Variants in ANKRD44 observed in about 807,000 individuals in gnomAD.
ANKRD44 encodes the protein ankyrin repeat domain 44.
In ANKRD44, 35 loss-of-function variants were observed where a neutral mutation model predicts 116.0. That is an observed-to-expected ratio of 0.30 (90% CI 0.23 to 0.40). The LOEUF is 0.40. ANKRD44 is among the 10% of genes least tolerant of loss of function. ANKRD44 has a pLI of 1.00. For missense variants in ANKRD44, 1,014 were observed against 1,242.6 expected (o/e 0.82, Z 2.77); for synonymous variants, 435 against 461.8 (o/e 0.94, Z 0.74).
Position 197,146,962 on chromosome 2 carries a change from A to G in ANKRD44, c.190+65T>C, listed in dbSNP as rs971668129. 16 of 1,445,938 alleles carry G rather than the reference A, an allele frequency of 1.1e-5. No individual in the cohort carries two copies. In the Admixed American group the frequency reaches 1.6e-4, roughly 14 times the overall value. The allele number at this position is 1,445,938 out of a possible 1,614,324, so 89.6% of individuals were successfully genotyped here. A position where few individuals can be genotyped will look rare whatever the true frequency, so the allele number is the denominator to read the frequency against. ...TTTGCTTGGGTTCACTGTAGTAGTC[A>G]ATCTAGTAAATTGGTTATTTAAATT... is the stretch of plus-strand genomic sequence containing the variant. On this transcript the variant is annotated intron_variant, in intron 3 of 27. Transcript: ENST00000282272.
At chr2:197,024,402 C>T (rs2076551715) in intron 17 of ANKRD44, among the ~76,000 whole-genome samples, 1 of 152,186 alleles carries the variant, frequency 6.6e-6, no homozygotes, top group South Asian at 2.1e-4. Flanking sequence ...ACGTGAGTGC[C>T]TCGGGAAGGT....
intron 15 of ANKRD44, among the ~76,000 whole-genome samples, chr2:197,080,561 T>C (rs2077769888): frequency 6.6e-6 from 1 of 152,254 alleles, no homozygotes; most frequent in African/African-American, 2.4e-5. Context: ...CTGCAGTGGC[T>C]TAAGATGCTA....
At chr2:197,017,795 T>C (rs978165978) in intron 17 of ANKRD44, among the ~76,000 whole-genome samples, 8 of 152,222 alleles carry the variant, frequency 5.3e-5, no homozygotes, top group African/African-American at 1.9e-4. Context: ...AACCTTACAG[T>C]TGTCTTTGTC....
rs753669485 is a variant in ANKRD44, at chr2:197,078,814, T to G, written c.1539A>C (p.Leu513=). The stretch of plus-strand genomic sequence containing the variant: ...CATTTTGAAGCAGAAACTCTAGACA[T>G]CTGTAAGTATAAAGATGAAGTGTTA... ...ARELKEKEAT[L]CLEFLLQNDA... Residue 513 remains leucine (L), a splice_region_variant and synonymous_variant, in exon 16 of 28, where the codon CTA becomes CTC. Coordinates refer to ENST00000282272, the MANE Select transcript of ANKRD44 (RefSeq NM_001195144.2). 6.2e-7 allele frequency: 1 copy of G among 1,612,532 alleles called. No individual in the cohort carries two copies. The highest frequency in any genetic ancestry group is 8.5e-7 in the Non-Finnish European group (1 of 1,178,978).
chr2:197,139,196 A>AACTCTCAC (rs1175082434), intron 3 of ANKRD44, among the ~76,000 whole-genome samples: 1 of 152,170 alleles, frequency 6.6e-6, no homozygotes, highest in Non-Finnish European at 1.5e-5. Context: ...ACCCTAGAGA[A>AACTCTCAC]ACTCTCACAC....
intron 1 of ANKRD44, among the ~76,000 whole-genome samples, chr2:197,287,243 C>T (rs2083432931): frequency 6.6e-6 from 1 of 151,886 alleles, no homozygotes; most frequent in African/African-American, 2.4e-5. Context: ...CATAAAATTG[C>T]CCTAAAAATT....
At chr2:197,307,483 A>G (rs2084106104) in intron 1 of ANKRD44, among the ~76,000 whole-genome samples, 1 of 152,028 alleles carries the variant, frequency 6.6e-6, no homozygotes, top group Non-Finnish European at 1.5e-5. Flanking sequence ...CAAAAGTTAC[A>G]AATGCAGAAG....
chr2:197,218,802 C>G (rs2081514826), intron 1 of ANKRD44, among the ~76,000 whole-genome samples: 1 of 115,990 alleles, frequency 8.6e-6, no homozygotes, highest in South Asian at 3.0e-4. Context: ...CTCTGTCACC[C>G]AGGCTGGAGT....
intron 21 of ANKRD44, among the ~76,000 whole-genome samples, chr2:196,969,024 T>C (rs1479756832): frequency 6.6e-6 from 1 of 152,168 alleles, no homozygotes. Context: ...TATACATATG[T>C]GCCACTCATA....
At chr2:197,084,707 A>C (rs2125152048) in intron 13 of ANKRD44, among the ~76,000 whole-genome samples, 1 of 152,326 alleles carries the variant, frequency 6.6e-6, no homozygotes, top group Non-Finnish European at 1.5e-5. Context: ...GTATATGTGT[A>C]AATCATTTAG....
intron 16 of ANKRD44, among the ~76,000 whole-genome samples, chr2:197,036,448 G>C (rs1048179174): frequency 2.6e-5 from 4 of 152,018 alleles, no homozygotes; most frequent in Non-Finnish European, 5.9e-5. Context: ...TAGTAGAGAT[G>C]GGATTTTACC....
chr2:197,222,230 G>C (rs866133803), intron 1 of ANKRD44, among the ~76,000 whole-genome samples: 1 of 152,126 alleles, frequency 6.6e-6, no homozygotes, highest in Non-Finnish European at 1.5e-5. Flanking sequence ...ATCCCCCATG[G>C]TACCTGCTGG....
chr2:197,234,104 C>A (rs2081926582), intron 1 of ANKRD44, among the ~76,000 whole-genome samples: 1 of 152,180 alleles, frequency 6.6e-6, no homozygotes, highest in South Asian at 2.1e-4. Flanking sequence ...CATAGCCCCA[C>A]CCATCTTTCC....
intron 1 of ANKRD44, among the ~76,000 whole-genome samples, chr2:197,286,341 A>T (rs1478266110): frequency 6.6e-6 from 1 of 151,966 alleles, no homozygotes; most frequent in Non-Finnish European, 1.5e-5. Flanking sequence ...ATCTAAGGAC[A>T]GAAAGAATTT....
chr2:197,269,051 C>T (rs2082817910), intron 1 of ANKRD44, among the ~76,000 whole-genome samples: 1 of 149,234 alleles, frequency 6.7e-6, no homozygotes, highest in Admixed American at 6.7e-5. Flanking sequence ...CCATGAAAAG[C>T]CATTAAGCTT....
At chr2:197,202,410 A>C (rs968441352) in intron 1 of ANKRD44, among the ~76,000 whole-genome samples, 8 of 151,852 alleles carry the variant, frequency 5.3e-5, no homozygotes, top group Admixed American at 2.0e-4. Flanking sequence ...GATGGAAAAA[A>C]AAAAAACCCA....
chr2:197,078,947 A>C, intron 15 of ANKRD44, 133 bp from the exon 16 acceptor site: 1 of 737,668 alleles, frequency 1.4e-6, no homozygotes, highest in South Asian at 1.8e-5. Context: ...TCCTACAGCA[A>C]TGAAGTTTTA....
chr2:197,117,868 T>C (rs1480451954), intron 8 of ANKRD44, among the ~76,000 whole-genome samples: 2 of 152,222 alleles, frequency 1.3e-5, no homozygotes, highest in Non-Finnish European at 2.9e-5. Context: ...ATACCTGGGT[T>C]TTCTTTTTTT....
chr2:197,278,789 T>C (rs1246764820), intron 1 of ANKRD44, among the ~76,000 whole-genome samples: 1 of 152,206 alleles, frequency 6.6e-6, no homozygotes, highest in East Asian at 1.9e-4. Flanking sequence ...TTGCGACACG[T>C]AGGTCGCCAG....
Sources: gnomAD v4.1 joint callset for allele counts (sites outside exome capture counted in the v4.1 genomes callset) on GRCh38, gnomAD v4.1.1 for gene constraint, MANE v1.5 for transcripts, NCBI Gene and HGNC (gene_info 2026-07-23, HGNC 2026-07-21) for gene names.